KCNJ4: variants seen among roughly 807,000 people sequenced by gnomAD.
KCNJ4 encodes potassium inwardly rectifying channel subfamily J member 4, also known as inward rectifier potassium channel 4.
Under a neutral mutation model 25.6 loss-of-function variants are expected in KCNJ4, and 3 were observed. That is an observed-to-expected ratio of 0.12 (90% CI 0.05 to 0.30). The LOEUF (loss-of-function observed/expected upper bound fraction) is 0.30. Ranked by LOEUF, KCNJ4 falls within the 10% of genes least tolerant of loss-of-function variation. KCNJ4 has a pLI of 1.00. For synonymous variants in KCNJ4, 257 were observed against 283.9 expected, an observed-to-expected ratio of 0.91 and a Z score of 0.95; for missense variants, 286 against 666.8, an observed-to-expected ratio of 0.43 and a Z score of 6.29.
At chr22:38,434,607 G>A (rs888962920) in intron 1 of KCNJ4, among the ~76,000 whole-genome samples, 2 of 151,948 alleles carry the variant, frequency 1.3e-5, no homozygotes, top group African/African-American at 2.4e-5. Context: ...CTCTGGCTTC[G>A]GGACCCCTTC....
chr22:38,428,220 C>T lies in KCNJ4; in HGVS notation c.-39-49G>A, dbSNP rs2093039058. ...TGAGATGCTGGGGAGCGAGGGGCTCCCTCGGGGCCACTCAGACTCAGCCCC... is the reference window on the plus strand; with the variant it reads ...TGAGATGCTGGGGAGCGAGGGGCTCTCTCGGGGCCACTCAGACTCAGCCCC... On this transcript the variant is annotated intron_variant, in intron 1 of 1. Transcript: ENST00000303592. The T allele has an allele frequency of 4.7e-6, 7 of 1,485,396 alleles. No individual in the cohort carries two copies. In the South Asian group the frequency reaches 9.1e-5, roughly 19 times the overall value. The allele number at this position is 1,485,396 out of a possible 1,614,324, so 92.0% of individuals were successfully genotyped here.
chr22:38,439,774 CAAA>C (rs112130946), intron 1 of KCNJ4, among the ~76,000 whole-genome samples: 7 of 85,194 alleles, frequency 8.2e-5, no homozygotes, highest in Admixed American at 2.8e-4. Context: ...GACTCCATCT[CAAA>C]AAAAAAAAAA....
At chr22:38,442,312 G>A (rs901483894) in intron 1 of KCNJ4, among the ~76,000 whole-genome samples, 3 of 152,118 alleles carry the variant, frequency 2.0e-5, no homozygotes, top group Middle Eastern at 3.2e-3. Context: ...ACTTTGGGAG[G>A]CCGAGGCGGG....
Position 38,426,506 on chromosome 22 carries a change from A to C in KCNJ4, c.*289T>G. ...CCACCTTCCCCAAGGTTCTGAGAGCAAAGAGGGCACGTCCTTGAAGAGTCA... is the reference window on the plus strand; with the variant it reads ...CCACCTTCCCCAAGGTTCTGAGAGCCAAGAGGGCACGTCCTTGAAGAGTCA... On this transcript the variant is annotated 3_prime_UTR_variant, in exon 2 of 2. Coordinates refer to ENST00000303592, the MANE Select transcript of KCNJ4 (RefSeq NM_152868.3). The C allele has an allele frequency of 3.7e-6, 1 of 267,802 alleles. No homozygotes were observed. Among genetic ancestry groups the C allele is most frequent in the Non-Finnish European group, 7.1e-6 (1 of 141,810 alleles). 16.6% of individuals were successfully genotyped at this position (267,802 alleles called of 1,614,324 possible).
intron 1 of KCNJ4, among the ~76,000 whole-genome samples, chr22:38,452,315 C>T (rs1205905181): frequency 6.6e-6 from 1 of 152,220 alleles, no homozygotes; most frequent in African/African-American, 2.4e-5. Context: ...CTGAACCAAG[C>T]CTCCCTGCCC....
Position 38,427,671 on chromosome 22 carries a change from C to G in KCNJ4, c.462G>C (p.Val154=), listed in dbSNP as rs77032485. The G allele has an allele frequency of 4.4e-3, 7,087 of 1,613,182 alleles. 23 individuals carry two copies. The highest frequency in any genetic ancestry group is 5.2e-3 in the Non-Finnish European group (6,081 of 1,179,984). The change falls in exon 2 of 2, where the codon GTG becomes GTC. Residue 154 remains valine, a synonymous_variant. Transcript: ENST00000303592. The part of the protein sequence containing the change: ...EECPLAVIAV[V]VQSIVGCVID... ...TGACGCAGCCCACGATGGACTGGAC[C>G]ACCACAGCGATGACTGCCAGCGGGC...
chr22:38,447,390 C>A (rs2089382222), intron 1 of KCNJ4, among the ~76,000 whole-genome samples: 1 of 152,168 alleles, frequency 6.6e-6, no homozygotes. Flanking sequence ...ATGCCCAAAG[C>A]CCCTCTGCCT....
At chr22:38,431,385 C>T (rs1337478961) in intron 1 of KCNJ4, among the ~76,000 whole-genome samples, 2 of 152,320 alleles carry the variant, frequency 1.3e-5, no homozygotes, top group Non-Finnish European at 2.9e-5. Flanking sequence ...TCTGAGCTTC[C>T]ACAATCCTCA....
rs967599013 is a variant in KCNJ4, at chr22:38,441,418, C to T, written c.-39-13247G>A. ...CTGATCATCATCTGACCCTCATCCC[C>T]GCACTCCAGCATGGGTGGGGCTGGG... On this transcript the variant is annotated intron_variant, in intron 1 of 1. Transcript: ENST00000303592. Among the ~76,000 whole-genome samples, 7 of 152,214 alleles carry T rather than the reference C, an allele frequency of 4.6e-5. No individual in the cohort carries two copies. In the East Asian group the frequency reaches 5.8e-4, roughly 13 times the overall value.
intron 1 of KCNJ4, among the ~76,000 whole-genome samples, chr22:38,435,677 A>T (rs1223836371): frequency 6.6e-6 from 1 of 150,476 alleles, no homozygotes; most frequent in Non-Finnish European, 1.5e-5. Context: ...TGGGCAACAG[A>T]GCGAGACTCT....
intron 1 of KCNJ4, among the ~76,000 whole-genome samples, chr22:38,428,968 C>A (rs1223504865): frequency 2.6e-5 from 4 of 151,458 alleles, no homozygotes; most frequent in Admixed American, 2.0e-4. Flanking sequence ...CCTCTGGTAC[C>A]AGCTACTCAG....
chr22:38,440,026 G>A (rs1180281434), intron 1 of KCNJ4, among the ~76,000 whole-genome samples: 7 of 151,002 alleles, frequency 4.6e-5, no homozygotes, highest in Non-Finnish European at 7.4e-5. Flanking sequence ...GGGAGACGGA[G>A]CTTGCAGTGA....
chr22:38,436,597 C>T (rs1370890305), intron 1 of KCNJ4, among the ~76,000 whole-genome samples: 1 of 152,192 alleles, frequency 6.6e-6, no homozygotes, highest in Non-Finnish European at 1.5e-5. Flanking sequence ...TCCCCCTCCC[C>T]ACCTTCTTCT....
chr22:38,452,289 C>T (rs924229743), intron 1 of KCNJ4, among the ~76,000 whole-genome samples: 4 of 152,220 alleles, frequency 2.6e-5, no homozygotes, highest in Admixed American at 6.5e-5. Flanking sequence ...GAGCAAGGCA[C>T]TGACAGACCA....
chr22:38,428,178 A>G lies in KCNJ4; in HGVS notation c.-39-7T>C, dbSNP rs1448499180. The G allele has an allele frequency of 1.3e-5, 20 of 1,567,790 alleles. No homozygotes were observed. Among genetic ancestry groups the G allele is most frequent in the Non-Finnish European group, 1.6e-5 (19 of 1,156,810 alleles). ...ACCTGGGAAGACGCAGGGCCTGCGG[A>G]GGAGAAGCCGGACAGGTGAGATGCT... On this transcript the variant is annotated splice_polypyrimidine_tract_variant and splice_region_variant and intron_variant, in intron 1 of 1. Coordinates refer to ENST00000303592, the MANE Select transcript of KCNJ4 (RefSeq NM_152868.3).
At chr22:38,430,728 G>A (rs1450017767) in intron 1 of KCNJ4, among the ~76,000 whole-genome samples, 1 of 152,174 alleles carries the variant, frequency 6.6e-6, no homozygotes, top group African/African-American at 2.4e-5. Context: ...TTTCAGGGAG[G>A]CCTTTCTTTG....
chr22:38,440,834 A>G (rs1036141265), intron 1 of KCNJ4, among the ~76,000 whole-genome samples: 3 of 152,170 alleles, frequency 2.0e-5, no homozygotes, highest in Non-Finnish European at 4.4e-5. Flanking sequence ...TAGTGGTGGA[A>G]GACTGAAACG....
chr22:38,450,006 C>T (rs1360567325), intron 1 of KCNJ4, among the ~76,000 whole-genome samples: 3 of 152,248 alleles, frequency 2.0e-5, no homozygotes, highest in Non-Finnish European at 2.9e-5. Context: ...CTATTCATAG[C>T]CGAGCTCCAC....
At chr22:38,441,084 G>A (rs748984558) in intron 1 of KCNJ4, among the ~76,000 whole-genome samples, 1 of 151,972 alleles carries the variant, frequency 6.6e-6, no homozygotes, top group Admixed American at 6.5e-5. Context: ...AGATGGGAGA[G>A]AAGCTGCAGA....
Sources: gnomAD v4.1 joint callset for allele counts (sites outside exome capture counted in the v4.1 genomes callset) on GRCh38, gnomAD v4.1.1 for gene constraint, MANE v1.5 for transcripts, NCBI Gene and HGNC (gene_info 2026-07-23, HGNC 2026-07-21) for gene names.